Variants in PPFIA2 observed in about 807,000 individuals in gnomAD.
PPFIA2 encodes liprin-alpha-2.
Under a neutral mutation model 175.5 loss-of-function variants are expected in PPFIA2, and 46 were observed. The ratio of observed to expected loss-of-function variants is 0.26; its 90% CI spans 0.21 to 0.34. PPFIA2 has a LOEUF of 0.34. PPFIA2 is among the 10% of genes least tolerant of loss of function. The pLI, the probability that PPFIA2 is intolerant of heterozygous loss-of-function variation, is 1.00. For missense variants in PPFIA2, 1,179 were observed against 1,506.1 expected (o/e 0.78, Z 3.60); for synonymous variants, 568 against 511.4 (o/e 1.11, Z -1.49).
At chr12:81,704,272 G>T (rs2153604975) in intron 3 of PPFIA2, among the ~76,000 whole-genome samples, 1 of 152,206 alleles carries the variant, frequency 6.6e-6, no homozygotes, top group East Asian at 1.9e-4. Flanking sequence ...AAACATAATT[G>T]TCATCCAAAA....
chr12:81,534,659 G>T (rs2065124167), intron 4 of PPFIA2, among the ~76,000 whole-genome samples: 2 of 151,610 alleles, frequency 1.3e-5, no homozygotes, highest in Admixed American at 1.3e-4. Context: ...TCAAGAGGGA[G>T]AAAAAGAACT....
At chr12:81,722,676 T>C (rs191396682) in intron 3 of PPFIA2, among the ~76,000 whole-genome samples, 13 of 151,042 alleles carry the variant, frequency 8.6e-5, no homozygotes, top group East Asian at 5.9e-4. Context: ...CCTTCTGGAA[T>C]GCAAATCAGG....
At chr12:81,490,728 T>C (rs963306707) in intron 4 of PPFIA2, among the ~76,000 whole-genome samples, 3 of 151,970 alleles carry the variant, frequency 2.0e-5, no homozygotes, top group Non-Finnish European at 4.4e-5. Flanking sequence ...CACACTGTTT[T>C]CTGTTCAGTC....
intron 4 of PPFIA2, among the ~76,000 whole-genome samples, chr12:81,601,345 G>C (rs1047595882): frequency 1.3e-5 from 2 of 151,674 alleles, no homozygotes; most frequent in Non-Finnish European, 2.9e-5. Flanking sequence ...TCTTCTGCCT[G>C]GTAGCAATAG....
At chr12:81,510,775 A>G (rs902323516) in intron 4 of PPFIA2, among the ~76,000 whole-genome samples, 1 of 152,140 alleles carries the variant, frequency 6.6e-6, no homozygotes, top group Non-Finnish European at 1.5e-5. Flanking sequence ...TAGTCATCAT[A>G]AAAGAAAAAA....
intron 4 of PPFIA2, among the ~76,000 whole-genome samples, chr12:81,474,442 C>G (rs944804503): frequency 6.6e-6 from 1 of 152,130 alleles, no homozygotes; most frequent in Non-Finnish European, 1.5e-5. Flanking sequence ...CAGGCATGCA[C>G]CACCACACCC....
chr12:81,671,034 C>A (rs1048884594), intron 4 of PPFIA2, among the ~76,000 whole-genome samples: 2 of 151,904 alleles, frequency 1.3e-5, no homozygotes, highest in Non-Finnish European at 2.9e-5. Context: ...TTCTACATGT[C>A]CAAATAAATA....
chr12:81,507,861 C>T (rs1052477363), intron 4 of PPFIA2, among the ~76,000 whole-genome samples: 1 of 152,222 alleles, frequency 6.6e-6, no homozygotes, highest in Non-Finnish European at 1.5e-5. Context: ...TCCAATGTCA[C>T]ATAGACTGGT....
At chr12:81,375,088 T>C (rs2036049024) in intron 10 of PPFIA2, among the ~76,000 whole-genome samples, 1 of 152,088 alleles carries the variant, frequency 6.6e-6, no homozygotes, top group South Asian at 2.1e-4. Flanking sequence ...AGCAAAATAT[T>C]GAAAATCATG....
chr12:81,512,082 T>C (rs1390614778), intron 4 of PPFIA2, among the ~76,000 whole-genome samples: 1 of 152,108 alleles, frequency 6.6e-6, no homozygotes, highest in Non-Finnish European at 1.5e-5. Context: ...TCTCAAGGCC[T>C]ATAGAGATGT....
intron 3 of PPFIA2, among the ~76,000 whole-genome samples, chr12:81,733,675 C>T (rs2081216706): frequency 6.6e-6 from 1 of 151,620 alleles, no homozygotes; most frequent in African/African-American, 2.4e-5. Context: ...TATTGATCAA[C>T]AGATGCTTCT....
chr12:81,487,437 C>T (rs932405667), intron 4 of PPFIA2, among the ~76,000 whole-genome samples: 7 of 151,714 alleles, frequency 4.6e-5, no homozygotes, highest in African/African-American at 1.2e-4. Flanking sequence ...AGGTTAAATG[C>T]TTAGACAAGT....
At chr12:81,556,450 C>T (rs1375125749) in intron 4 of PPFIA2, among the ~76,000 whole-genome samples, 3 of 151,728 alleles carry the variant, frequency 2.0e-5, no homozygotes, top group Non-Finnish European at 4.4e-5. Context: ...TTTTTTCATG[C>T]ACATTAGAAG....
At chr12:81,618,111 T>G (rs1329185702) in intron 4 of PPFIA2, among the ~76,000 whole-genome samples, 1 of 152,204 alleles carries the variant, frequency 6.6e-6, no homozygotes, top group Non-Finnish European at 1.5e-5. Context: ...GTTAAGTGTC[T>G]GTGCAAACAG....
chr12:81,540,919 CAATT>C (rs2066110004), intron 4 of PPFIA2, among the ~76,000 whole-genome samples: 1 of 151,872 alleles, frequency 6.6e-6, no homozygotes. Flanking sequence ...GTCACAAAAA[CAATT>C]AAAGTTGGTG....
chr12:81,624,697 A>G (rs11114944), intron 4 of PPFIA2, among the ~76,000 whole-genome samples: 9,277 of 149,758 alleles, frequency 0.062, 405 homozygotes, highest in East Asian at 0.25. Flanking sequence ...TGGAGCTGGA[A>G]GCCATTATTC....
intron 17 of PPFIA2, 147 bp downstream of exon 17, chr12:81,352,972 A>T: frequency 1.5e-6 from 1 of 648,806 alleles, no homozygotes; most frequent in Non-Finnish European, 2.7e-6. Context: ...ACACATTCTG[A>T]TTCAGTGTGT....
rs186464184 is a variant in PPFIA2, at chr12:81,361,561, T to A, written c.1637+1132A>T. On this transcript the variant is annotated intron_variant, in intron 15 of 32. Coordinates refer to ENST00000549396, the MANE Select transcript of PPFIA2 (RefSeq NM_003625.5). ...TACTTAAAATATCAAATATTGTTTT[T>A]CCTTACATTTATATTGAAAAGAATT... 3.2e-3 allele frequency among the ~76,000 whole-genome samples: 482 copies of A among 151,782 alleles called. 3 individuals are homozygous for A. Among genetic ancestry groups the A allele is most frequent in the African/African-American group, 0.011 (455 of 41,504 alleles).
chr12:81,704,650 T>C (rs1362375686), intron 3 of PPFIA2, among the ~76,000 whole-genome samples: 1 of 152,104 alleles, frequency 6.6e-6, no homozygotes, highest in African/African-American at 2.4e-5. Context: ...ATTACCCATA[T>C]ACTTGCACAT....
Sources: gnomAD v4.1 joint callset for allele counts (sites outside exome capture counted in the v4.1 genomes callset) on GRCh38, gnomAD v4.1.1 for gene constraint, MANE v1.5 for transcripts, NCBI Gene and HGNC (gene_info 2026-07-23, HGNC 2026-07-21) for gene names.